The following NLRP2 variants were observed in gnomAD, a reference collection of about 807,000 sequenced individuals.
NLRP2 encodes the protein NLR family pyrin domain containing 2.
Under a neutral mutation model 97.2 loss-of-function variants are expected in NLRP2, and 107 were observed. The ratio of observed to expected loss-of-function variants is 1.10; its 90% confidence interval spans 0.94 to 1.29. The LOEUF (loss-of-function observed/expected upper bound fraction) is 1.29. NLRP2 is among the 50% of genes most tolerant of loss of function. The pLI, the probability that NLRP2 is intolerant of heterozygous loss-of-function variation, is 0.00. For missense variants in NLRP2, 1,495 were observed against 1,330.3 expected (o/e 1.12, Z -1.93); for synonymous variants, 663 against 551.5 (o/e 1.20, Z -2.83).
chr19:54,966,825 C>CTTTTTTTTT (rs1044701142), intron 1 of NLRP2, among the ~76,000 whole-genome samples: 12 of 74,988 alleles, frequency 1.6e-4, no homozygotes, highest in Non-Finnish European at 2.2e-4. Flanking sequence ...CGCGCCCAGC[C>CTTTTTTTTT]TTTTTTTTTT....
chr19:54,970,355 T>G, intron 2 of NLRP2, 60 bp downstream of exon 2: 1 of 1,603,204 alleles, frequency 6.2e-7, no homozygotes, highest in South Asian at 1.1e-5. Flanking sequence ...CTCCAGGACT[T>G]TAGAAATTCA....
chr19:54,972,268 G>A (rs186725728), intron 2 of NLRP2, among the ~76,000 whole-genome samples: 143 of 151,910 alleles, frequency 9.4e-4, no homozygotes, highest in Middle Eastern at 3.4e-3. Flanking sequence ...TGCAACTCCC[G>A]CCCCCTGGGT....
At chr19:54,975,101 G>GTTTTTTTTTTTTTTTTTTTTT (rs1190231820) in intron 3 of NLRP2, among the ~76,000 whole-genome samples, 1 of 83,086 alleles carries the variant, frequency 1.2e-5, no homozygotes, top group African/African-American at 4.2e-5. Flanking sequence ...ACCACACCCG[G>GTTTTTTTTTTTTTTTTTTTTT]TTTTGTTTTT....
At position 54,974,149 on chromosome 19, in the gene NLRP2, T is replaced by G. The variant is rs770697762; in HGVS notation, c.281-351T>G. On this transcript the variant is annotated intron_variant, in intron 2 of 12. Coordinates refer to ENST00000448584, the MANE Select transcript of NLRP2 (RefSeq NM_017852.5). ...GGTGGGCGGATCACAAGGTCAGGAG[T>G]CTGAGACCAGCCTGGCCAAAATGGT... 4.5e-5 allele frequency: 28 copies of G among 628,602 alleles called. 1 individual carries two copies. Among genetic ancestry groups the G allele is most frequent in the Non-Finnish European group, 3.8e-5 (13 of 344,224 alleles). 38.9% of individuals were successfully genotyped at this position (628,602 alleles called of 1,614,324 possible). A position where few individuals can be genotyped will look rare whatever the true frequency, so the allele number is the denominator to read the frequency against.
rs1349817236 is a variant in NLRP2, at chr19:54,986,135, GTTCTC to G, written c.2202-13_2202-9del. ...TGTACACACTAAAGATTTCACTTTC[GTTCTC>G]TTTTCCCTAGGTTCAAAAACATTTC... On this transcript the variant is annotated splice_polypyrimidine_tract_variant and intron_variant, in intron 7 of 12. Coordinates refer to ENST00000448584, the MANE Select transcript of NLRP2 (RefSeq NM_017852.5). The G allele has an allele frequency of 6.3e-7, 1 of 1,599,478 alleles. No individual in the cohort carries two copies. Among genetic ancestry groups the G allele is most frequent in the Non-Finnish European group, 8.6e-7 (1 of 1,167,194 alleles).
At chr19:54,998,951 A>G (rs1671134) in intron 12 of NLRP2, among the ~76,000 whole-genome samples, 23 of 151,822 alleles carry the variant, frequency 1.5e-4, no homozygotes, top group African/African-American at 5.6e-4. Flanking sequence ...GGTTGGGGGT[A>G]AGGTCACAGA....
At chr19:54,992,886 C>T (rs1056121562) in intron 10 of NLRP2, among the ~76,000 whole-genome samples, 2 of 152,008 alleles carry the variant, frequency 1.3e-5, no homozygotes, top group East Asian at 3.9e-4. Context: ...GATCCATGCC[C>T]CTATTTTGCT....
chr19:54,986,061 A>G lies in NLRP2; in HGVS notation c.2202-90A>G, dbSNP rs549015969. ...TTTAAACATGGAAAAAATAGTTCCT[A>G]AAGTTTAAATATATCGAGCCCCTGG... On this transcript the variant is annotated intron_variant, in intron 7 of 12. Transcript: ENST00000448584. 4 of 881,964 alleles carry G rather than the reference A, an allele frequency of 4.5e-6. No homozygotes were observed. The Admixed American group carries it at 6.1e-5, about 13-fold the overall frequency. 54.6% of individuals were successfully genotyped at this position (881,964 alleles called of 1,614,324 possible).
intron 12 of NLRP2, among the ~76,000 whole-genome samples, chr19:54,998,718 GA>G: frequency 7.1e-6 from 1 of 140,940 alleles, no homozygotes; most frequent in African/African-American, 2.6e-5. Flanking sequence ...ATAGTGGAGG[GA>G]AGGTCAGCAG....
At chr19:54,990,255 G>T (rs1352813645) in intron 9 of NLRP2, 63 bp downstream of exon 9, 1 of 1,544,902 alleles carries the variant, frequency 6.5e-7, no homozygotes, top group Non-Finnish European at 9.0e-7. Flanking sequence ...ACGAGCAATG[G>T]TCATGCCTGA....
chr19:54,993,981 T>C (rs1387176671), intron 10 of NLRP2: 5 of 515,914 alleles, frequency 9.7e-6, no homozygotes, highest in East Asian at 3.5e-5. Context: ...CTCCCTCTTA[T>C]GAGGATCCCT....
Position 54,984,485 on chromosome 19 carries a change from C to CTTTTTTTTTTTTTTTTTTTTTTTTT in NLRP2, c.2031-547_2031-546insTTTTTTTTTTTTTTTTTTTTTTTTT, listed in dbSNP as rs36061621. Among the ~76,000 whole-genome samples, 267 of 76,864 alleles carry CTTTTTTTTTTTTTTTTTTTTTTTTT rather than the reference C, an allele frequency of 3.5e-3. 55 individuals carry two copies. The highest frequency in any genetic ancestry group is 8.3e-3 in the African/African-American group (110 of 13,224). The allele number at this position is 76,864 out of a possible 152,430, so 50.4% of individuals were successfully genotyped here. The stretch of plus-strand genomic sequence containing the variant: ...ATGTATAGATATGTATATTCCCAAT[C>CTTTTTTTTTTTTTTTTTTTTTTTTT]TTTTTTTTTTTTTTTGAGACGGAGT... On this transcript the variant is annotated intron_variant, in intron 6 of 12. Transcript: ENST00000448584.
chr19:54,974,596 G>A (rs113201390), intron 3 of NLRP2, 52 bp downstream of exon 3: 5 of 1,272,978 alleles, frequency 3.9e-6, no homozygotes, highest in South Asian at 3.6e-5. Context: ...CTGGGGACTC[G>A]GGCCTTTGTT....
chr19:54,982,217 G>C lies in NLRP2; in HGVS notation c.519G>C (p.Lys173Asn), dbSNP rs745471188. The C allele has an allele frequency of 1.9e-6, 3 of 1,614,058 alleles. No homozygotes were observed. Among genetic ancestry groups the C allele is most frequent in the Non-Finnish European group, 1.7e-6 (2 of 1,180,054 alleles). The change falls in exon 6 of 13, where the codon AAG becomes AAC. Residue 173 changes from lysine to asparagine, a missense_variant. Physicochemically the swap from Lys to Asn is moderately conservative, Grantham distance 94. Coordinates refer to ENST00000448584, the MANE Select transcript of NLRP2 (RefSeq NM_017852.5). ...AGACGAAGTTCCGGGAGATGTGGAA[G>C]AGCTGGCCTGGAGATAGCAAAGAGG... ...ILKTKFREMWKSWPGDSKEVQ... is the reference protein window; with the variant it reads ...ILKTKFREMWNSWPGDSKEVQ...
At position 54,985,188 on chromosome 19, in the gene NLRP2, C is replaced by G; in HGVS notation, c.2172C>G (p.Ala724=). The part of the protein sequence containing the change: ...SLVRILCEQI[A]SDTCHLQRVV... ...TAAGGATCCTGTGTGAACAAATAGC[C>G]TCTGACACCTGTCATCTCCAGAGAG... Residue 724 remains alanine, a synonymous_variant, in exon 7 of 13, where the codon GCC becomes GCG. Transcript: ENST00000448584. 6.2e-7 allele frequency: 1 copy of G among 1,613,964 alleles called. No homozygotes were observed. The highest frequency in any genetic ancestry group is 2.2e-5 in the East Asian group (1 of 44,880).
At chr19:54,992,853 C>T (rs371407220) in intron 10 of NLRP2, among the ~76,000 whole-genome samples, 7 of 151,990 alleles carry the variant, frequency 4.6e-5, no homozygotes, top group East Asian at 1.9e-4. Context: ...GCCACCGTGC[C>T]GGCCCCCTCA....
At chr19:54,984,024 T>C (rs2071851770) in intron 6 of NLRP2, among the ~76,000 whole-genome samples, 1 of 152,184 alleles carries the variant, frequency 6.6e-6, no homozygotes, top group African/African-American at 2.4e-5. Context: ...CTAATTTTTA[T>C]ATTTTCATTA....
rs760043164 is a variant in NLRP2, at chr19:54,994,416, A to G, written c.2856A>G (p.Pro952=). The part of the protein sequence containing the change: ...MKFLCEALRK[P]LCNLRCLWLW... ...TCCTGTGTGAGGCTTTGAGGAAACC[A>G]CTGTGCAACTTGAGATGTCTGTGGT... The change falls in exon 11 of 13, where the codon CCA becomes CCG. Residue 952 remains proline, a synonymous_variant. Transcript: ENST00000448584. The G allele has an allele frequency of 2.5e-6, 4 of 1,613,086 alleles. No individual in the cohort carries two copies. The highest frequency in any genetic ancestry group is 3.4e-6 in the Non-Finnish European group (4 of 1,180,012).
intron 4 of NLRP2, among the ~76,000 whole-genome samples, chr19:54,978,313 C>T (rs1026892421): frequency 6.6e-6 from 1 of 151,090 alleles, no homozygotes; most frequent in African/African-American, 2.4e-5. Context: ...CTGTTCACTG[C>T]AACCTCCGCC....
Sources: gnomAD v4.1 joint callset for allele counts (sites outside exome capture counted in the v4.1 genomes callset) on GRCh38, gnomAD v4.1.1 for gene constraint, MANE v1.5 for transcripts, NCBI Gene and HGNC (gene_info 2026-07-23, HGNC 2026-07-21) for gene names.